The following CALN1 variants were observed in gnomAD, a reference collection of about 807,000 sequenced individuals.
CALN1 encodes the protein calneuron 1.
Under a neutral mutation model 30.6 loss-of-function variants are expected in CALN1, and 17 were observed. That is an observed-to-expected ratio of 0.56 (90% CI 0.38 to 0.83). The LOEUF is 0.83. Ranked by LOEUF, CALN1 falls within the 40% of genes least tolerant of loss-of-function variation. CALN1 has a pLI of 0.00. For synonymous variants in CALN1, 156 were observed against 131.4 expected, an observed-to-expected ratio of 1.19 and a Z score of -1.28; for missense variants, 291 against 354.9, an observed-to-expected ratio of 0.82 and a Z score of 1.45.
intron 1 of CALN1, among the ~76,000 whole-genome samples, chr7:72,418,956 C>T (rs1807518183): frequency 1.3e-5 from 2 of 152,148 alleles, no homozygotes; most frequent in Admixed American, 1.3e-4. Context: ...GTTGAGGCTA[C>T]AGTGAACTAT....
rs372673807 is a variant in CALN1, at chr7:71,933,163, G to A, written c.501+90494C>T. On this transcript the variant is annotated intron_variant, in intron 5 of 6. Transcript: ENST00000395275. Reference sequence around the variant, plus strand: ...TGGGACTAGGCATGTCCAAAATGGTGGCCCCATCTTCCCTCCTCTTTGCCA... The same window carrying A: ...TGGGACTAGGCATGTCCAAAATGGTAGCCCCATCTTCCCTCCTCTTTGCCA... 3.3e-5 allele frequency among the ~76,000 whole-genome samples: 5 copies of A among 152,176 alleles called. No homozygotes were observed. In the East Asian group the frequency reaches 9.7e-4, roughly 30 times the overall value.
At chr7:72,493,103 AAC>A in the CALN1 span, among the ~76,000 whole-genome samples, 2 of 151,986 alleles carry the variant, frequency 1.3e-5, no homozygotes, top group Non-Finnish European at 2.9e-5. Context: ...CCCCGAAAGA[AAC>A]TCCACACCCT....
chr7:72,096,067 A>AGATAGAT (rs1182241967), intron 4 of CALN1, among the ~76,000 whole-genome samples: 1 of 151,828 alleles, frequency 6.6e-6, no homozygotes, highest in Non-Finnish European at 1.5e-5. Flanking sequence ...ATAGATAGAT[A>AGATAGAT]GATAGATAGA....
chr7:72,226,976 C>T (rs1173256285), intron 3 of CALN1, among the ~76,000 whole-genome samples: 2 of 148,454 alleles, frequency 1.3e-5, no homozygotes, highest in African/African-American at 4.9e-5. Context: ...ACAGAGACTG[C>T]AGTGAGCTGA....
At chr7:72,112,535 G>A (rs1257829806) in intron 3 of CALN1, among the ~76,000 whole-genome samples, 1 of 152,140 alleles carries the variant, frequency 6.6e-6, no homozygotes, top group African/African-American at 2.4e-5. Flanking sequence ...TAAAAGCTAT[G>A]GAAATGCACC....
chr7:72,466,240 G>T, the CALN1 span, among the ~76,000 whole-genome samples: 2 of 150,262 alleles, frequency 1.3e-5, no homozygotes, highest in African/African-American at 2.4e-5. Flanking sequence ...TGAGATGTGT[G>T]GTGTGTGTGT....
chr7:71,802,281 G>A (rs181198711), intron 6 of CALN1, among the ~76,000 whole-genome samples: 1 of 152,134 alleles, frequency 6.6e-6, no homozygotes, highest in Non-Finnish European at 1.5e-5. Context: ...CAAATAATAA[G>A]ATATACATTC....
At chr7:72,284,707 T>C (rs1222645848) in intron 2 of CALN1, among the ~76,000 whole-genome samples, 1 of 152,196 alleles carries the variant, frequency 6.6e-6, no homozygotes, top group African/African-American at 2.4e-5. Context: ...ACTATACCAT[T>C]ATTTCTCTTG....
intron 4 of CALN1, among the ~76,000 whole-genome samples, chr7:72,043,585 A>T (rs1158321647): frequency 6.6e-6 from 1 of 152,050 alleles, no homozygotes; most frequent in Non-Finnish European, 1.5e-5. Flanking sequence ...CTTGGACAAC[A>T]TAGCCAGACC....
intron 5 of CALN1, among the ~76,000 whole-genome samples, chr7:71,824,821 A>G (rs894412268): frequency 1.3e-5 from 2 of 152,172 alleles, no homozygotes; most frequent in Non-Finnish European, 2.9e-5. Flanking sequence ...CTTCTTAACC[A>G]GGGAGCAGAA....
chr7:72,314,105 G>T (rs1800248224), intron 2 of CALN1, among the ~76,000 whole-genome samples: 1 of 152,112 alleles, frequency 6.6e-6, no homozygotes, highest in Non-Finnish European at 1.5e-5. Context: ...CCCAGCACAG[G>T]GCTGGAGTGA....
chr7:72,230,688 A>G (rs1292368476), intron 3 of CALN1, among the ~76,000 whole-genome samples: 1 of 152,180 alleles, frequency 6.6e-6, no homozygotes, highest in African/African-American at 2.4e-5. Flanking sequence ...AAAGGAATGT[A>G]GCCCTGATAA....
chr7:72,201,613 A>G (rs182893893), intron 3 of CALN1, among the ~76,000 whole-genome samples: 64 of 152,178 alleles, frequency 4.2e-4, no homozygotes, highest in African/African-American at 1.5e-3. Context: ...AAAAAAAGAA[A>G]AAGAAAAACT....
chr7:72,347,240 T>G (rs1299544595), intron 2 of CALN1, among the ~76,000 whole-genome samples: 1 of 151,524 alleles, frequency 6.6e-6, no homozygotes, highest in African/African-American at 2.4e-5. Context: ...TTTTTTCTTT[T>G]TTTTTTTCCT....
At chr7:72,147,862 A>ACT (rs1786881638) in intron 3 of CALN1, among the ~76,000 whole-genome samples, 1 of 147,772 alleles carries the variant, frequency 6.8e-6, no homozygotes, top group Non-Finnish European at 1.5e-5. Flanking sequence ...AAAACCAAAC[A>ACT]TCGCATGTTC....
chr7:71,845,970 T>C (rs1790208816), intron 5 of CALN1, among the ~76,000 whole-genome samples: 1 of 152,068 alleles, frequency 6.6e-6, no homozygotes, highest in African/African-American at 2.4e-5. Flanking sequence ...GGAGAATCAC[T>C]TGAACCTGGG....
At chr7:72,493,745 A>G in the CALN1 span, among the ~76,000 whole-genome samples, 1 of 152,178 alleles carries the variant, frequency 6.6e-6, no homozygotes, top group Non-Finnish European at 1.5e-5. Flanking sequence ...AACAAATTCT[A>G]TTTACCCAAG....
the CALN1 span, among the ~76,000 whole-genome samples, chr7:72,474,004 T>C: frequency 6.6e-6 from 1 of 151,542 alleles, no homozygotes; most frequent in Non-Finnish European, 1.5e-5. Flanking sequence ...GAACTGAGTA[T>C]TTTGAAAAAA....
At chr7:71,999,316 A>G (rs1799410383) in intron 5 of CALN1, among the ~76,000 whole-genome samples, 1 of 152,204 alleles carries the variant, frequency 6.6e-6, no homozygotes, top group South Asian at 2.1e-4. Flanking sequence ...AAAAAGCTTC[A>G]CAATACATGA....
Sources: gnomAD v4.1 joint callset for allele counts (sites outside exome capture counted in the v4.1 genomes callset) on GRCh38, gnomAD v4.1.1 for gene constraint, MANE v1.5 for transcripts, NCBI Gene and HGNC (gene_info 2026-07-23, HGNC 2026-07-21) for gene names.